Variants in PDE1C observed in about 807,000 individuals in gnomAD.
PDE1C encodes the protein dual specificity calcium/calmodulin-dependent 3',5'-cyclic nucleotide phosphodiesterase 1C.
PDE1C carries 62 observed loss-of-function variants against 93.1 expected under a neutral mutation model. The observed-to-expected ratio is 0.67, with a 90% confidence interval of 0.54 to 0.82. The LOEUF (loss-of-function observed/expected upper bound fraction) is 0.82, where lower values mean the gene tolerates loss of function less well. Ranked by LOEUF, PDE1C falls within the 40% of genes least tolerant of loss-of-function variation. The pLI, the probability that PDE1C is intolerant of heterozygous loss-of-function variation, is 0.00. For missense variants in PDE1C, 742 were observed against 884.6 expected, an observed-to-expected ratio of 0.84 and a Z score of 2.04; for synonymous variants, 325 against 310.1, an observed-to-expected ratio of 1.05 and a Z score of -0.50.
chr7:32,337,381 G>C (rs1375996926), intron 1 of PDE1C, among the ~76,000 whole-genome samples: 1 of 152,170 alleles, frequency 6.6e-6, no homozygotes, highest in Admixed American at 6.5e-5. Flanking sequence ...TACTTTGTTA[G>C]GAAAGAACAG....
chr7:31,689,910 C>A, the PDE1C span, among the ~76,000 whole-genome samples: 2 of 152,330 alleles, frequency 1.3e-5, no homozygotes, highest in East Asian at 1.9e-4. Flanking sequence ...AACAGTCTTG[C>A]TGGTTCACCA....
chr7:32,288,019 A>G (rs1812101752), intron 1 of PDE1C, among the ~76,000 whole-genome samples: 1 of 152,158 alleles, frequency 6.6e-6, no homozygotes, highest in African/African-American at 2.4e-5. Flanking sequence ...CCTGGCTAAC[A>G]TGGTGAAACC....
chr7:31,651,041 C>CG, the PDE1C span: 2 of 1,383,568 alleles, frequency 1.4e-6, no homozygotes, highest in East Asian at 4.9e-5. Context: ...GGCCTGTTTG[C>CG]GAAAAAAGGG....
chr7:32,215,327 C>T (rs530951474), intron 1 of PDE1C, among the ~76,000 whole-genome samples: 2 of 152,266 alleles, frequency 1.3e-5, no homozygotes, highest in South Asian at 2.1e-4. Flanking sequence ...ACCATTCCCC[C>T]CAACACCCGT....
At chr7:31,863,593 G>A (rs139153350) in intron 7 of PDE1C, among the ~76,000 whole-genome samples, 37 of 152,170 alleles carry the variant, frequency 2.4e-4, no homozygotes, top group African/African-American at 8.7e-4. Flanking sequence ...TAAAGATAGT[G>A]TTTTAAATAC....
chr7:31,835,372 G>A (rs1171793069), intron 11 of PDE1C, among the ~76,000 whole-genome samples: 4 of 152,066 alleles, frequency 2.6e-5, no homozygotes, highest in Non-Finnish European at 2.9e-5. Flanking sequence ...ATGATTTTGC[G>A]GAGTCACCTG....
intron 2 of PDE1C, among the ~76,000 whole-genome samples, chr7:31,918,096 A>G (rs1410663710): frequency 2.0e-5 from 3 of 152,168 alleles, no homozygotes; most frequent in Non-Finnish European, 4.4e-5. Flanking sequence ...TTATTTATTG[A>G]TTTATTGTAT....
chr7:31,917,965 C>G lies in PDE1C; in HGVS notation c.129-37105G>C, dbSNP rs557070743. Among the ~76,000 whole-genome samples, 215 of 152,214 alleles carry G rather than the reference C, an allele frequency of 1.4e-3. 6 individuals carry two copies. Among genetic ancestry groups the G allele is most frequent in the Non-Finnish European group, 4.0e-4 (27 of 68,030 alleles). ...TAGAGTAAATAATATTGAGTGCTAC[C>G]CACAACCCCATATATCAAAGACTGT... On this transcript the variant is annotated intron_variant, in intron 2 of 17. Coordinates refer to ENST00000396191, the MANE Select transcript of PDE1C (RefSeq NM_001191057.4).
At chr7:31,874,905 T>C (rs886415654) in intron 5 of PDE1C, among the ~76,000 whole-genome samples, 1 of 152,230 alleles carries the variant, frequency 6.6e-6, no homozygotes, top group Non-Finnish European at 1.5e-5. Context: ...GAGAGATTAA[T>C]TGAAATGTCT....
At chr7:32,024,240 G>A (rs1357542890) in intron 2 of PDE1C, among the ~76,000 whole-genome samples, 2 of 152,004 alleles carry the variant, frequency 1.3e-5, no homozygotes, top group East Asian at 2.0e-4. Flanking sequence ...ACCATCCCTG[G>A]TCAATCTAAA....
At chr7:32,207,129 C>T (rs1477531047) in intron 2 of PDE1C, among the ~76,000 whole-genome samples, 1 of 152,096 alleles carries the variant, frequency 6.6e-6, no homozygotes, top group Non-Finnish European at 1.5e-5. Context: ...CAGAGTCTCA[C>T]AGGACTAACT....
At chr7:32,326,392 G>C (rs1026708406) in intron 1 of PDE1C, among the ~76,000 whole-genome samples, 2 of 152,154 alleles carry the variant, frequency 1.3e-5, no homozygotes, top group African/African-American at 4.8e-5. Context: ...GAGAATAAGA[G>C]ACCAAGGACT....
At chr7:31,728,534 A>G in the PDE1C span, among the ~76,000 whole-genome samples, 1 of 152,186 alleles carries the variant, frequency 6.6e-6, no homozygotes, top group South Asian at 2.1e-4. Flanking sequence ...CCAGTTTTCT[A>G]TTCCTAAGTT....
intron 1 of PDE1C, among the ~76,000 whole-genome samples, chr7:32,369,867 T>C (rs967699087): frequency 6.6e-6 from 1 of 152,174 alleles, no homozygotes; most frequent in Non-Finnish European, 1.5e-5. Context: ...ATAGGAACAC[T>C]TTTACACTGT....
At chr7:31,780,783 G>A (rs927945714) in intron 16 of PDE1C, among the ~76,000 whole-genome samples, 2 of 140,266 alleles carry the variant, frequency 1.4e-5, no homozygotes, top group African/African-American at 2.5e-5. Context: ...GTGCGCATGC[G>A]TGTGTGTGCA....
At chr7:32,192,789 A>G (rs1584935260) in intron 2 of PDE1C, among the ~76,000 whole-genome samples, 1 of 152,154 alleles carries the variant, frequency 6.6e-6, no homozygotes, top group African/African-American at 2.4e-5. Flanking sequence ...CATATTTGCT[A>G]TGTTTCATCT....
At position 32,265,240 on chromosome 7, in the gene PDE1C, T is replaced by C. The variant is rs373584923; in HGVS notation, c.85+33411A>G. On this transcript the variant is annotated intron_variant, in intron 1 of 18. Coordinates refer to the PDE1C transcript ENST00000396193. ...AATGAGCAATCTTGGGCAGTGCACATACAATCTCTCTCAGTTGATGAGGTT... is the reference window on the plus strand; with the variant it reads ...AATGAGCAATCTTGGGCAGTGCACACACAATCTCTCTCAGTTGATGAGGTT... 6.4e-4 allele frequency among the ~76,000 whole-genome samples: 98 copies of C among 152,312 alleles called. 3 individuals carry two copies. In the South Asian group the frequency reaches 0.02, roughly 31 times the overall value.
intron 9 of PDE1C, among the ~76,000 whole-genome samples, chr7:31,844,269 AAAT>A (rs1481215679): frequency 1.3e-5 from 2 of 151,690 alleles, no homozygotes; most frequent in East Asian, 1.9e-4. Flanking sequence ...TAAAATAACA[AAAT>A]AATATTTTTG....
intron 7 of PDE1C, among the ~76,000 whole-genome samples, chr7:31,863,667 A>T (rs1794934380): frequency 2.0e-5 from 3 of 152,346 alleles, no homozygotes; most frequent in Admixed American, 2.0e-4. Context: ...GTTTTACAAA[A>T]ATTCTGCAAC....
Sources: gnomAD v4.1 joint callset for allele counts (sites outside exome capture counted in the v4.1 genomes callset) on GRCh38, gnomAD v4.1.1 for gene constraint, MANE v1.5 for transcripts, NCBI Gene and HGNC (gene_info 2026-07-23, HGNC 2026-07-21) for gene names.